Variants in OVCH1 observed in about 807,000 individuals in gnomAD.
The protein encoded by OVCH1 is ovochymase 1, also known as ovochymase-1.
Under a neutral mutation model 138.4 loss-of-function variants are expected in OVCH1, and 139 were observed. The observed-to-expected ratio is 1.00, with a 90% CI of 0.87 to 1.16. The LOEUF is 1.16. Ranked by LOEUF, OVCH1 falls within the 50% of genes most tolerant of loss-of-function variation. OVCH1 has a pLI of 0.00. For missense variants in OVCH1, 1,367 were observed against 1,357.9 expected (o/e 1.01, Z -0.11); for synonymous variants, 453 against 467.8 (o/e 0.97, Z 0.41).
intron 3 of OVCH1, among the ~76,000 whole-genome samples, chr12:29,416,769 A>G (rs1941035798): frequency 6.6e-6 from 1 of 152,220 alleles, no homozygotes; most frequent in Admixed American, 6.5e-5. Context: ...CTAAACATGC[A>G]ATTTCCATAT....
chr12:29,489,246 T>C (rs3825240), intron 6 of OVCH1, among the ~76,000 whole-genome samples: 61,526 of 151,918 alleles, frequency 0.4, 12,735 homozygotes, highest in East Asian at 0.55. Context: ...TTTGTGCAAA[T>C]ATATTCTGCA....
intron 27 of OVCH1, among the ~76,000 whole-genome samples, chr12:29,433,205 G>A (rs1310777839): frequency 6.6e-6 from 1 of 152,076 alleles, no homozygotes; most frequent in African/African-American, 2.4e-5. Context: ...ATCTCACCTT[G>A]AATTGTAGCT....
chr12:29,415,121 A>T (rs1160628181), intron 3 of OVCH1, among the ~76,000 whole-genome samples: 2 of 152,234 alleles, frequency 1.3e-5, no homozygotes, highest in Non-Finnish European at 2.9e-5. Flanking sequence ...GTACAGTTAT[A>T]GATAAGTTAC....
downstream of OVCH1, among the ~76,000 whole-genome samples, chr12:29,407,710 C>A (rs1017238184): frequency 6.3e-4 from 96 of 152,098 alleles, 1 homozygote; most frequent in African/African-American, 2.2e-3. Flanking sequence ...GTTACTGTAG[C>A]CTTGTAGTAT....
At chr12:29,425,488 G>A (rs1465738585), downstream of OVCH1, among the ~76,000 whole-genome samples, 1 of 152,146 alleles carries the variant, frequency 6.6e-6, no homozygotes, top group Non-Finnish European at 1.5e-5. Flanking sequence ...TTTCTAGACT[G>A]TTCTTCCTCT....
downstream of OVCH1, among the ~76,000 whole-genome samples, chr12:29,410,005 G>T (rs4444116): frequency 6.6e-6 from 1 of 151,870 alleles, no homozygotes; most frequent in Admixed American, 6.6e-5. Context: ...TATTGGGTGC[G>T]TATATATTTA....
At chr12:29,441,010 G>A (rs1378354376) in intron 25 of OVCH1, among the ~76,000 whole-genome samples, 2 of 152,146 alleles carry the variant, frequency 1.3e-5, no homozygotes, top group Non-Finnish European at 2.9e-5. Context: ...AGACCATAGT[G>A]TGCATGGTGG....
At chr12:29,407,357 T>C in the OVCH1 span, among the ~76,000 whole-genome samples, 3 of 138,912 alleles carry the variant, frequency 2.2e-5, no homozygotes, top group East Asian at 4.1e-4. Flanking sequence ...TTGCTTTTGG[T>C]GTTTCAGACA....
chr12:29,426,937 A>C (rs143610834), downstream of OVCH1, among the ~76,000 whole-genome samples: 8 of 152,332 alleles, frequency 5.3e-5, no homozygotes, highest in African/African-American at 1.9e-4. Context: ...TTTACATTTA[A>C]ATAGCAACAT....
At chr12:29,469,203 A>G (rs1295440082) in intron 16 of OVCH1, among the ~76,000 whole-genome samples, 5 of 152,168 alleles carry the variant, frequency 3.3e-5, no homozygotes, top group African/African-American at 1.2e-4. Flanking sequence ...TCTCAGCCAG[A>G]TGGTCAAGGT....
At chr12:29,488,591 A>C (rs1943181041) in intron 6 of OVCH1, among the ~76,000 whole-genome samples, 1 of 140,680 alleles carries the variant, frequency 7.1e-6, no homozygotes, top group Admixed American at 7.6e-5. Flanking sequence ...TGCACACTCC[A>C]GTCTGGGCAA....
intron 27 of OVCH1, among the ~76,000 whole-genome samples, chr12:29,429,489 A>G (rs185035839): frequency 2.4e-3 from 359 of 152,356 alleles, no homozygotes; most frequent in African/African-American, 8.1e-3. Context: ...ATGTATATTC[A>G]TTATATAAAT....
At chr12:29,496,704 C>T (rs2136103896) in intron 1 of OVCH1, 30 bp from the exon 2 acceptor site, 1 of 1,509,226 alleles carries the variant, frequency 6.6e-7, no homozygotes. Context: ...TGTGTGCACA[C>T]ACAGAGCCTT....
chr12:29,493,031 T>G (rs1943314281), intron 4 of OVCH1, among the ~76,000 whole-genome samples: 1 of 152,132 alleles, frequency 6.6e-6, no homozygotes, highest in African/African-American at 2.4e-5. Context: ...AAGACCAAAT[T>G]TATGGAACAG....
intron 9 of OVCH1, among the ~76,000 whole-genome samples, chr12:29,477,851 T>G (rs1476152): frequency 0.09 from 13,696 of 152,272 alleles, 737 homozygotes; most frequent in African/African-American, 0.13. Flanking sequence ...AAACTACAAA[T>G]TTATTTGGGC....
At chr12:29,479,688 T>TATTA (rs1289521916) in intron 8 of OVCH1, among the ~76,000 whole-genome samples, 3 of 152,186 alleles carry the variant, frequency 2.0e-5, no homozygotes, top group Non-Finnish European at 4.4e-5. Flanking sequence ...ACCTTAGACC[T>TATTA]ATTAACAGCC....
intron 18 of OVCH1, 121 bp from the exon 19 acceptor site, chr12:29,462,129 G>T: frequency 9.2e-7 from 1 of 1,084,588 alleles, no homozygotes. Context: ...AGTTTGGCCT[G>T]AGCTGATGTA....
At chr12:29,454,747 G>C in intron 21 of OVCH1, 94 bp downstream of exon 21, 1 of 1,088,756 alleles carries the variant, frequency 9.2e-7, no homozygotes, top group South Asian at 1.4e-5. Context: ...AGAGGTTATA[G>C]TGTTCCATAG....
At chr12:29,473,713 C>T (rs1189777443) in intron 14 of OVCH1, among the ~76,000 whole-genome samples, 1 of 152,070 alleles carries the variant, frequency 6.6e-6, no homozygotes, top group East Asian at 1.9e-4. Flanking sequence ...TGAGTGTCAA[C>T]TTGATTGGAT....
Sources: allele counts gnomAD v4.1 joint callset (sites outside exome capture counted in the v4.1 genomes callset), GRCh38; gene constraint gnomAD v4.1.1; transcripts MANE v1.5; gene names NCBI Gene and HGNC (gene_info 2026-07-23, HGNC 2026-07-21).